Variants in B3GLCT observed in about 807,000 individuals in gnomAD.
The protein encoded by B3GLCT is beta 3-glucosyltransferase.
B3GLCT carries 65 observed loss-of-function variants against 63.4 expected under a neutral mutation model. That is an observed-to-expected ratio of 1.03 (90% CI 0.84 to 1.26). The LOEUF (loss-of-function observed/expected upper bound fraction) is 1.26, where lower values mean the gene tolerates loss of function less well. Ranked by LOEUF, B3GLCT falls within the 50% of genes most tolerant of loss-of-function variation. B3GLCT has a pLI of 0.00. For synonymous variants in B3GLCT, 233 were observed against 219.2 expected (o/e 1.06, Z -0.55); for missense variants, 577 against 604.8 (o/e 0.95, Z 0.48).
chr13:31,205,402 CA>C (rs1241511515), intron 1 of B3GLCT, among the ~76,000 whole-genome samples: 55 of 151,576 alleles, frequency 3.6e-4, no homozygotes, highest in African/African-American at 1.0e-3. Flanking sequence ...ACTAAAAATA[CA>C]AAAAAATTAC....
chr13:31,308,347 T>TAA (rs1169835730), intron 12 of B3GLCT, among the ~76,000 whole-genome samples: 245 of 23,646 alleles, frequency 0.01, 9 homozygotes, highest in South Asian at 0.047. Flanking sequence ...AAAAAAAAAT[T>TAA]AAAAAAAAAA....
At chr13:31,212,352 G>T (rs1275926892) in intron 1 of B3GLCT, among the ~76,000 whole-genome samples, 1 of 145,588 alleles carries the variant, frequency 6.9e-6, no homozygotes, top group East Asian at 2.1e-4. Context: ...TTGGCTCACT[G>T]CAAGCCCTGT....
At chr13:31,280,549 A>T (rs1212568109) in intron 10 of B3GLCT, among the ~76,000 whole-genome samples, 1 of 152,118 alleles carries the variant, frequency 6.6e-6, no homozygotes, top group Non-Finnish European at 1.5e-5. Flanking sequence ...CTGCTTCATT[A>T]TATGTTGGTT....
chr13:31,324,231 A>G (rs3761870), intron 14 of B3GLCT, among the ~76,000 whole-genome samples: 76,566 of 152,214 alleles, frequency 0.5, 23,820 homozygotes, highest in Non-Finnish European at 0.68. Flanking sequence ...CTGCCTAGAA[A>G]TATATAGGAC....
At chr13:31,278,366 TATTC>T (rs1444998917) in intron 10 of B3GLCT, among the ~76,000 whole-genome samples, 1 of 152,248 alleles carries the variant, frequency 6.6e-6, no homozygotes, top group Non-Finnish European at 1.5e-5. Flanking sequence ...TCTTTTTAGA[TATTC>T]ATGAAATCCT....
At position 31,331,854 on chromosome 13, in the gene B3GLCT, G is replaced by T. The variant is rs534851411; in HGVS notation, c.*2186G>T. The T allele has an allele frequency of 1.3e-5, 2 of 152,154 alleles. No homozygotes were observed. Among genetic ancestry groups the T allele is most frequent in the Non-Finnish European group, 2.9e-5 (2 of 68,028 alleles). 9.4% of individuals were successfully genotyped at this position (152,154 alleles called of 1,614,324 possible). A position where few individuals can be genotyped will look rare whatever the true frequency, so the allele number is the denominator to read the frequency against. On this transcript the variant is annotated 3_prime_UTR_variant, in exon 15 of 15. Coordinates refer to ENST00000343307, the MANE Select transcript of B3GLCT (RefSeq NM_194318.4). ...CACATTTCCTTTGCTTTGAAATAGG[G>T]CTTTCCTTCCAAATGGCTATTTTTA...
chr13:31,213,229 A>G (rs1032082016), intron 1 of B3GLCT, among the ~76,000 whole-genome samples: 6 of 152,200 alleles, frequency 3.9e-5, no homozygotes, highest in African/African-American at 1.4e-4. Flanking sequence ...TTCATTTATT[A>G]AGTAAATATT....
At chr13:31,305,435 G>T (rs1461851425) in intron 12 of B3GLCT, among the ~76,000 whole-genome samples, 1 of 48,308 alleles carries the variant, frequency 2.1e-5, no homozygotes, top group African/African-American at 7.3e-5. Flanking sequence ...CCGCTAGCAA[G>T]ACTAATAAAG....
At chr13:31,204,913 C>T (rs1868868943) in intron 1 of B3GLCT, among the ~76,000 whole-genome samples, 1 of 152,124 alleles carries the variant, frequency 6.6e-6, no homozygotes, top group Non-Finnish European at 1.5e-5. Flanking sequence ...AACTTGGGCA[C>T]TGAAGGAGGA....
At position 31,321,947 on chromosome 13, in the gene B3GLCT, T is replaced by A. The variant is rs142008087; in HGVS notation, c.1185-1804T>A. ...TATTTTGGTGCACCTGTCACCCAAG[T>A]AGTGTACGCTGTGTCCAGTGTGTAG... On this transcript the variant is annotated intron_variant, in intron 13 of 14. Transcript: ENST00000343307. Among the ~76,000 whole-genome samples, 37 of 152,284 alleles carry A rather than the reference T, an allele frequency of 2.4e-4. No homozygotes were observed. In the East Asian group the frequency reaches 6.9e-3, roughly 29 times the overall value.
chr13:31,309,134 A>G (rs1033946953), intron 12 of B3GLCT, among the ~76,000 whole-genome samples: 1 of 152,212 alleles, frequency 6.6e-6, no homozygotes, highest in African/African-American at 2.4e-5. Flanking sequence ...CCACCCAGGA[A>G]TCAAGGGTTT....
At chr13:31,297,036 T>G (rs562135175) in intron 12 of B3GLCT, among the ~76,000 whole-genome samples, 6 of 152,222 alleles carry the variant, frequency 3.9e-5, no homozygotes, top group South Asian at 4.2e-4. Context: ...TTTTTTTTTT[T>G]TGTGACTTGC....
chr13:31,275,890 A>T (rs959662636), intron 9 of B3GLCT, among the ~76,000 whole-genome samples: 2 of 152,180 alleles, frequency 1.3e-5, no homozygotes, highest in African/African-American at 2.4e-5. Context: ...CTTTCTAGGC[A>T]GAATGCTTGC....
intron 4 of B3GLCT, among the ~76,000 whole-genome samples, chr13:31,238,452 T>C (rs1254568726): frequency 6.6e-6 from 1 of 152,244 alleles, no homozygotes; most frequent in Non-Finnish European, 1.5e-5. Flanking sequence ...AATTTTATGT[T>C]CTTTCCAATC....
chr13:31,202,515 C>CCTTTAGTTA (rs1868730503), intron 1 of B3GLCT, among the ~76,000 whole-genome samples: 1 of 152,148 alleles, frequency 6.6e-6, no homozygotes, highest in Non-Finnish European at 1.5e-5. Flanking sequence ...GCGAAGTAAC[C>CCTTTAGTTA]CTTTAGCCCT....
intron 10 of B3GLCT, among the ~76,000 whole-genome samples, chr13:31,277,400 A>AT (rs1270316041): frequency 2.0e-5 from 3 of 151,788 alleles, no homozygotes; most frequent in Non-Finnish European, 1.5e-5. Flanking sequence ...AAAAAAAAAA[A>AT]GCCCATCCTA....
intron 6 of B3GLCT, among the ~76,000 whole-genome samples, chr13:31,250,610 G>A (rs552515250): frequency 1.8e-4 from 27 of 152,364 alleles, no homozygotes; most frequent in Non-Finnish European, 2.8e-4. Context: ...TTCAAACTGG[G>A]TGGAGCCCAC....
chr13:31,278,233 A>T (rs1311761173), intron 10 of B3GLCT, among the ~76,000 whole-genome samples: 1 of 151,980 alleles, frequency 6.6e-6, no homozygotes, highest in African/African-American at 2.4e-5. Flanking sequence ...AAAATTAGGG[A>T]CACTCCCTGT....
intron 4 of B3GLCT, among the ~76,000 whole-genome samples, chr13:31,237,171 A>G (rs1425539310): frequency 2.0e-5 from 3 of 151,908 alleles, no homozygotes; most frequent in African/African-American, 7.3e-5. Context: ...GCTGACAGCT[A>G]ACGTAGGGTC....
Sources: allele counts gnomAD v4.1 joint callset (sites outside exome capture counted in the v4.1 genomes callset), GRCh38; gene constraint gnomAD v4.1.1; transcripts MANE v1.5; gene names NCBI Gene and HGNC (gene_info 2026-07-23, HGNC 2026-07-21).